Variants in ZNF596 observed in about 807,000 individuals in gnomAD.
ZNF596 encodes zinc finger protein 596.
A neutral mutation model predicts 48.3 loss-of-function variants in ZNF596; 45 were observed. The ratio of observed to expected loss-of-function variants is 0.93; its 90% CI spans 0.73 to 1.19. The LOEUF (loss-of-function observed/expected upper bound fraction) is 1.19. Among genes scored for constraint, ZNF596 ranks in the 50% most tolerant of loss-of-function variants. The pLI, the probability that ZNF596 is intolerant of heterozygous loss-of-function variation, is 0.00. For missense variants in ZNF596, 848 were observed against 599.7 expected (o/e 1.41, Z -4.32); for synonymous variants, 270 against 202.0 (o/e 1.34, Z -2.85).
At position 239,848 on chromosome 8, in the gene ZNF596, C is replaced by T. The variant is rs180968529; in HGVS notation, c.-72-976C>T. On this transcript the variant is annotated intron_variant, in intron 1 of 5. Coordinates refer to ENST00000398612, the MANE Select transcript of ZNF596 (RefSeq NM_001042416.3). Reference sequence around the variant, plus strand: ...CCAAAGGATAGGGGGTGGGACTGTACGTTCCAAGCTTCTGATCAAGTCATG... The same window carrying T: ...CCAAAGGATAGGGGGTGGGACTGTATGTTCCAAGCTTCTGATCAAGTCATG... 3.0e-4 allele frequency among the ~76,000 whole-genome samples: 45 copies of T among 152,246 alleles called. No individual in the cohort carries two copies. In the East Asian group the frequency reaches 5.2e-3, roughly 18 times the overall value.
intron 1 of ZNF596, chr8:237,360 G>C (rs1490624737): frequency 6.6e-6 from 1 of 151,982 alleles, no homozygotes; most frequent in African/African-American, 2.4e-5. Context: ...TACTGAATTT[G>C]TAACAATTTG....
At position 245,804 on chromosome 8, in the gene ZNF596, T is replaced by G; in HGVS notation, c.957T>G (p.Cys319Trp). 1 of 1,614,078 alleles carries G rather than the reference T, an allele frequency of 6.2e-7. No individual in the cohort carries two copies. Among genetic ancestry groups the G allele is most frequent in the Non-Finnish European group, 8.5e-7 (1 of 1,180,002 alleles). ...TATGTGGGAAGGCTTTCAGTAAATGTTCTTACCTTAGACAACATGAAAGAA... is the reference window on the plus strand; with the variant it reads ...TATGTGGGAAGGCTTTCAGTAAATGGTCTTACCTTAGACAACATGAAAGAA... ...CLLCGKAFSKCSYLRQHERTH... is the reference protein window; with the variant it reads ...CLLCGKAFSKWSYLRQHERTH... Residue 319 changes from cysteine (C) to tryptophan (W), a missense_variant, in exon 6 of 6, where the codon TGT (cysteine) becomes TGG (tryptophan). Physicochemically the swap from Cys to Trp is radical, Grantham distance 215 (BLOSUM62 -2). Transcript: ENST00000398612.
intron 1 of ZNF596, chr8:233,585 G>C (rs1328727892): frequency 1.3e-5 from 2 of 156,236 alleles, no homozygotes; most frequent in African/African-American, 2.4e-5. Context: ...TAAGTATCAA[G>C]TTTTCTTTGT....
At chr8:233,371 T>C (rs1169452774) in intron 1 of ZNF596, 4 of 331,296 alleles carry the variant, frequency 1.2e-5, no homozygotes, top group African/African-American at 8.7e-5. Flanking sequence ...TTGTGTCAGG[T>C]TCAGCTTATG....
chr8:235,561 A>T (rs1474666558), intron 1 of ZNF596, among the ~76,000 whole-genome samples: 3 of 151,966 alleles, frequency 2.0e-5, no homozygotes, highest in Non-Finnish European at 4.4e-5. Flanking sequence ...AATAAATTTT[A>T]TTATTTTATA....
Position 246,365 on chromosome 8 carries a change from A to C in ZNF596, c.*3A>C. On this transcript the variant is annotated 3_prime_UTR_variant, in exon 6 of 6. Transcript: ENST00000398612. ...CTAAAAAAGCAATGAATATGTAAGA[A>C]TCATCAGCTGTAGCGTTAACACTAA... 1 of 1,574,508 alleles carries C rather than the reference A, an allele frequency of 6.4e-7. No homozygotes were observed. The highest frequency in any genetic ancestry group is 8.6e-7 in the Non-Finnish European group (1 of 1,165,138).
rs182919865 is a variant in ZNF596 at position 244,583 on chromosome 8, G to A, written c.224-36G>A. On this transcript the variant is annotated intron_variant, in intron 4 of 5. Transcript: ENST00000398612. ...TATTTAACATTTTTATTCCCCTAATGCCTATATAGCATCTTTTTTTTTTCA... is the reference window on the plus strand; with the variant it reads ...TATTTAACATTTTTATTCCCCTAATACCTATATAGCATCTTTTTTTTTTCA... The A allele has an allele frequency of 1.6e-5, 23 of 1,458,000 alleles. No individual in the cohort carries two copies. The Admixed American group carries it at 3.6e-4, about 23-fold the overall frequency. The allele number at this position is 1,458,000 out of a possible 1,614,324, so 90.3% of individuals were successfully genotyped here.
In ZNF596 at chr8:247,104, T is replaced by C. The variant is rs1420864449; in HGVS notation, c.*742T>C. 1.3e-5 allele frequency: 2 copies of C among 152,194 alleles called. No individual in the cohort carries two copies. The highest frequency in any genetic ancestry group is 2.9e-5 in the Non-Finnish European group (2 of 68,026). 9.4% of individuals were successfully genotyped at this position (152,194 alleles called of 1,614,324 possible). ...AGTGGAAAAACCTTCAGGCAGCTTTTATGTCAAAAAAGTGAGACAGGGATG... is the reference window on the plus strand; with the variant it reads ...AGTGGAAAAACCTTCAGGCAGCTTTCATGTCAAAAAAGTGAGACAGGGATG... On this transcript the variant is annotated 3_prime_UTR_variant, in exon 6 of 6. Transcript: ENST00000398612.
intron 2 of ZNF596, among the ~76,000 whole-genome samples, chr8:242,567 G>T (rs1796897263): frequency 6.6e-6 from 1 of 152,142 alleles, no homozygotes; most frequent in African/African-American, 2.4e-5. Flanking sequence ...GTGGAGAGGA[G>T]AATTTTAGTT....
chr8:241,889 C>T (rs533385037), intron 2 of ZNF596, among the ~76,000 whole-genome samples: 5 of 152,256 alleles, frequency 3.3e-5, no homozygotes, highest in African/African-American at 1.2e-4. Flanking sequence ...AAGCAAGCAC[C>T]TTCTTCATAA....
rs775321873 is a variant in ZNF596, at chr8:245,298, T to G, written c.451T>G (p.Trp151Gly). 1 of 1,614,120 alleles carries G rather than the reference T, an allele frequency of 6.2e-7. No homozygotes were observed. The highest frequency in any genetic ancestry group is 8.5e-7 in the Non-Finnish European group (1 of 1,180,004). ...SKKFGKIFSD[W>G]LSFNQHKEIH... ...AAAGTTTGGGAAAATCTTCAGTGAC[T>G]GGTTATCCTTTAATCAACACAAGGA... Residue 151 changes from tryptophan to glycine, a missense_variant, in exon 6 of 6, where the codon TGG becomes GGG. Trp to Gly is a radical substitution (Grantham distance 184). Coordinates refer to ENST00000398612, the MANE Select transcript of ZNF596 (RefSeq NM_001042416.3).
intron 1 of ZNF596, among the ~76,000 whole-genome samples, chr8:236,432 C>A (rs1472045472): frequency 6.6e-6 from 1 of 152,124 alleles, no homozygotes; most frequent in Non-Finnish European, 1.5e-5. Flanking sequence ...TTTGGTCCCA[C>A]CTCAGGCATC....
Position 246,166 on chromosome 8 carries a change from C to G in ZNF596, c.1319C>G (p.Thr440Ser), listed in dbSNP as rs755706426. Residue 440 changes from threonine (T) to serine (S), a missense_variant, in exon 6 of 6, where the codon ACT becomes AGT. Physicochemically the swap from Thr to Ser is moderately conservative, Grantham distance 58 (BLOSUM62 1). Coordinates refer to ENST00000398612, the MANE Select transcript of ZNF596 (RefSeq NM_001042416.3). ...TCTGTCCTTAGACGACATGAGAGAA[C>G]TCACACTGGAGAGAAACCATATGAA... ...HSSVLRRHER[T>S]HTGEKPYECN... 3 of 1,613,900 alleles carry G rather than the reference C, an allele frequency of 1.9e-6. No homozygotes were observed. The African/African-American group carries it at 4.0e-5, about 22-fold the overall frequency.
upstream of ZNF596, chr8:232,210 T>G (rs1796424166): frequency 6.4e-6 from 1 of 156,160 alleles, no homozygotes; most frequent in African/African-American, 2.4e-5. Flanking sequence ...GACACGCGCT[T>G]TCAACCGGCG....
At chr8:243,154 A>T (rs1158704105) in intron 3 of ZNF596, 141 bp downstream of exon 3, 1 of 643,352 alleles carries the variant, frequency 1.6e-6, no homozygotes, top group African/African-American at 1.9e-5. Flanking sequence ...ATCCTTTCAT[A>T]ACTCTCACAA....
intron 5 of ZNF596, 48 bp downstream of exon 5, chr8:244,749 C>T (rs1338213982): frequency 2.0e-6 from 3 of 1,494,188 alleles, no homozygotes; most frequent in Non-Finnish European, 2.8e-6. Context: ...GAAACCTGGA[C>T]ATTAAACAAC....
chr8:237,766 T>A (rs551956098), intron 1 of ZNF596: 130 of 152,352 alleles, frequency 8.5e-4, no homozygotes, highest in African/African-American at 2.9e-3. Flanking sequence ...ATATTTGGTG[T>A]TTAATTTTTG....
In ZNF596 at chr8:245,547, C is replaced by T; in HGVS notation, c.700C>T (p.His234Tyr). ...GCHLCGKAFT[H>Y]CSDLRKHERT... The stretch of plus-strand genomic sequence containing the variant: ...TCATCTATGTGGGAAAGCCTTTACT[C>T]ATTGCTCTGATCTTCGAAAACATGA... Residue 234 changes from histidine (H) to tyrosine (Y), a missense_variant, in exon 6 of 6, where the codon CAT becomes TAT. His to Tyr is a moderately conservative substitution (Grantham distance 83). Transcript: ENST00000398612. 1 of 1,612,722 alleles carries T rather than the reference C, an allele frequency of 6.2e-7. No individual in the cohort carries two copies.
At chr8:237,983 T>C (rs1046159901) in intron 1 of ZNF596, among the ~76,000 whole-genome samples, 5 of 152,202 alleles carry the variant, frequency 3.3e-5, no homozygotes, top group Non-Finnish European at 5.9e-5. Context: ...TACTAGTCCC[T>C]GCTGGCAGGG....
Sources: allele counts gnomAD v4.1 joint callset (sites outside exome capture counted in the v4.1 genomes callset), GRCh38; gene constraint gnomAD v4.1.1; transcripts MANE v1.5; gene names NCBI Gene and HGNC (gene_info 2026-07-23, HGNC 2026-07-21).